SH3GL3: variants seen among roughly 807,000 people sequenced by gnomAD.
SH3GL3 encodes endophilin-A3.
Under a neutral mutation model 47.7 loss-of-function variants are expected in SH3GL3, and 33 were observed. The ratio of observed to expected loss-of-function variants is 0.69; its 90% CI spans 0.52 to 0.92. The LOEUF (loss-of-function observed/expected upper bound fraction) is 0.92, where lower values mean the gene tolerates loss of function less well. Among genes scored for constraint, SH3GL3 ranks in the 40% least tolerant of loss-of-function variants. The probability of loss-of-function intolerance (pLI) is 0.00; values close to 1 mark genes in which losing one functional copy is unlikely to be tolerated. For synonymous variants in SH3GL3, 155 were observed against 148.8 expected (o/e 1.04, Z -0.30); for missense variants, 363 against 417.8 (o/e 0.87, Z 1.14).
At chr15:83,476,317 A>G (rs8037169) in intron 1 of SH3GL3, among the ~76,000 whole-genome samples, 51,538 of 152,044 alleles carry the variant, frequency 0.34, 9,369 homozygotes, top group South Asian at 0.65. Flanking sequence ...GCATGAGATA[A>G]ATATTTGTGT....
At chr15:83,542,196 G>C (rs2044202306) in intron 1 of SH3GL3, among the ~76,000 whole-genome samples, 1 of 152,132 alleles carries the variant, frequency 6.6e-6, no homozygotes, top group African/African-American at 2.4e-5. Flanking sequence ...TGGATACCCA[G>C]TTTTCTCAGC....
chr15:83,490,809 C>A, intron 1 of SH3GL3: 1 of 1,614,022 alleles, frequency 6.2e-7, no homozygotes, highest in Non-Finnish European at 8.5e-7. Flanking sequence ...ACATTGAGGA[C>A]TCTCTTAAAT....
chr15:83,514,935 G>A (rs1272978748), intron 1 of SH3GL3, among the ~76,000 whole-genome samples: 1 of 152,104 alleles, frequency 6.6e-6, no homozygotes, highest in Non-Finnish European at 1.5e-5. Context: ...TGCGAGGATG[G>A]AAGCAAGAGA....
chr15:83,596,417 A>G (rs574782033), intron 8 of SH3GL3, among the ~76,000 whole-genome samples: 3 of 152,308 alleles, frequency 2.0e-5, no homozygotes, highest in Admixed American at 2.0e-4. Flanking sequence ...CAAGTCTTCC[A>G]TATTCTTGCT....
chr15:83,623,671 T>C (rs1459412708), downstream of SH3GL3, among the ~76,000 whole-genome samples: 2 of 152,258 alleles, frequency 1.3e-5, no homozygotes, highest in African/African-American at 2.4e-5. Context: ...GGGATATTAA[T>C]GTATTGCAGT....
In SH3GL3 at chr15:83,490,701, C is replaced by T. The variant is rs1246525658; in HGVS notation, c.45+43123C>T. On this transcript the variant is annotated intron_variant, in intron 1 of 8. Coordinates refer to ENST00000427482, the MANE Select transcript of SH3GL3 (RefSeq NM_003027.5). Reference sequence around the variant, plus strand: ...TGCACATCAGGGAAAACAGACCAAGCTCTCACAAGGGCAATATCATCCTTT... The same window carrying T: ...TGCACATCAGGGAAAACAGACCAAGTTCTCACAAGGGCAATATCATCCTTT... 3 of 1,436,062 alleles carry T rather than the reference C, an allele frequency of 2.1e-6. No individual in the cohort carries two copies. In the East Asian group the frequency reaches 7.1e-5, roughly 34 times the overall value. 89.0% of individuals were successfully genotyped at this position (1,436,062 alleles called of 1,614,324 possible). A position where few individuals can be genotyped will look rare whatever the true frequency, so the allele number is the denominator to read the frequency against.
chr15:83,468,909 T>G (rs1454266285), intron 1 of SH3GL3, among the ~76,000 whole-genome samples: 1 of 152,030 alleles, frequency 6.6e-6, no homozygotes, highest in East Asian at 1.9e-4. Flanking sequence ...GAATTGGTAT[T>G]AATTCTTTAG....
intron 8 of SH3GL3, among the ~76,000 whole-genome samples, chr15:83,598,318 G>A (rs138385746): frequency 3.3e-5 from 5 of 152,232 alleles, no homozygotes; most frequent in East Asian, 1.9e-4. Flanking sequence ...AGTTTTGAGC[G>A]CCCTTAGACT....
intron 8 of SH3GL3, among the ~76,000 whole-genome samples, chr15:83,603,181 G>A (rs919470385): frequency 6.6e-6 from 1 of 152,038 alleles, no homozygotes; most frequent in Admixed American, 6.6e-5. Context: ...TGTATTTTTA[G>A]TAGAGATGGG....
In SH3GL3 at chr15:83,576,648, G is replaced by A; in HGVS notation, c.531G>A (p.Lys177=). 6.2e-7 allele frequency: 1 copy of A among 1,613,792 alleles called. No individual in the cohort carries two copies. Among genetic ancestry groups the A allele is most frequent in the Non-Finnish European group, 8.5e-7 (1 of 1,179,738 alleles). Reference sequence around the variant, plus strand: ...ATTATAAAAAGAAACGAGTAGGTAAGATACCAGACGAAGAAGTCAGACAAG... The same window carrying A: ...ATTATAAAAAGAAACGAGTAGGTAAAATACCAGACGAAGAAGTCAGACAAG... ...DYDYKKKRVG[K]IPDEEVRQAV... The change falls in exon 6 of 9, where the codon AAG becomes AAA. Residue 177 remains lysine, a synonymous_variant. Coordinates refer to ENST00000427482, the MANE Select transcript of SH3GL3 (RefSeq NM_003027.5).
chr15:83,488,971 G>A (rs1177480763), intron 1 of SH3GL3, among the ~76,000 whole-genome samples: 1 of 152,252 alleles, frequency 6.6e-6, no homozygotes, highest in Admixed American at 6.5e-5. Context: ...TTTGGACAAA[G>A]ATCCTGGATA....
At chr15:83,584,872 C>T (rs1205141946) in intron 6 of SH3GL3, among the ~76,000 whole-genome samples, 1 of 152,236 alleles carries the variant, frequency 6.6e-6, no homozygotes. Context: ...GAAATTCCAA[C>T]AATGGAAGAA....
chr15:83,480,864 G>C (rs998690077), intron 1 of SH3GL3, among the ~76,000 whole-genome samples: 1 of 152,120 alleles, frequency 6.6e-6, no homozygotes, highest in Non-Finnish European at 1.5e-5. Context: ...ACCATTCAAG[G>C]ATTTGTGTAT....
chr15:83,611,396 T>C (rs1306023862), intron 8 of SH3GL3: 1 of 152,156 alleles, frequency 6.6e-6, no homozygotes, highest in Non-Finnish European at 1.5e-5. Context: ...CCACCTCTGC[T>C]CTCACGTTTC....
chr15:83,587,095 C>T lies in SH3GL3; in HGVS notation c.728+9C>T. 6.7e-7 allele frequency: 1 copy of T among 1,503,624 alleles called. No individual in the cohort carries two copies. Among genetic ancestry groups the T allele is most frequent in the Non-Finnish European group, 9.2e-7 (1 of 1,087,028 alleles). 93.1% of individuals were successfully genotyped at this position (1,503,624 alleles called of 1,614,324 possible). A position where few individuals can be genotyped will look rare whatever the true frequency, so the allele number is the denominator to read the frequency against. On this transcript the variant is annotated intron_variant, in intron 7 of 8. Transcript: ENST00000427482. ...AGCAAGCTACAGATGCGGTAAGCAC[C>T]TCCACGTTTCTTACAAGCCAAGGGC...
At chr15:83,488,493 C>T (rs766526072) in intron 1 of SH3GL3, among the ~76,000 whole-genome samples, 8 of 152,320 alleles carry the variant, frequency 5.3e-5, no homozygotes, top group Admixed American at 1.3e-4. Flanking sequence ...TCCGTGGAGT[C>T]AGGGTGTCCG....
intron 1 of SH3GL3, among the ~76,000 whole-genome samples, chr15:83,553,054 C>T (rs1474810210): frequency 2.0e-5 from 3 of 151,972 alleles, no homozygotes; most frequent in Non-Finnish European, 4.4e-5. Context: ...ATCGCTTGAA[C>T]CTTGGAGCTC....
chr15:83,558,781 A>T (rs896686156), intron 1 of SH3GL3, among the ~76,000 whole-genome samples: 4 of 152,184 alleles, frequency 2.6e-5, no homozygotes, highest in Non-Finnish European at 1.5e-5. Context: ...TCTAGGAAAC[A>T]CATCCCGCAT....
At chr15:83,497,973 A>C (rs947823502) in intron 1 of SH3GL3, among the ~76,000 whole-genome samples, 2 of 152,056 alleles carry the variant, frequency 1.3e-5, no homozygotes, top group South Asian at 4.2e-4. Flanking sequence ...TCTCTGTCCA[A>C]CTTTTTAAAA....
Sources: allele counts gnomAD v4.1 joint callset (sites outside exome capture counted in the v4.1 genomes callset), GRCh38; gene constraint gnomAD v4.1.1; transcripts MANE v1.5; gene names NCBI Gene and HGNC (gene_info 2026-07-23, HGNC 2026-07-21).